Variants in CEP83 observed in about 807,000 individuals in gnomAD.
The protein encoded by CEP83 is centrosomal protein of 83 kDa.
A neutral mutation model predicts 101.9 loss-of-function variants in CEP83; 70 were observed. The observed-to-expected ratio is 0.69, with a 90% CI of 0.57 to 0.84. The LOEUF (loss-of-function observed/expected upper bound fraction) is 0.84, where lower values mean the gene tolerates loss of function less well. Among genes scored for constraint, CEP83 ranks in the 40% least tolerant of loss-of-function variants. CEP83 has a pLI of 0.00. For synonymous variants in CEP83, 264 were observed against 267.9 expected (o/e 0.99, Z 0.14); for missense variants, 715 against 787.2 (o/e 0.91, Z 1.10).
the CEP83 span, chr12:94,297,203 G>A: frequency 6.2e-7 from 1 of 1,614,008 alleles, no homozygotes; most frequent in East Asian, 2.2e-5. Flanking sequence ...GGAGTACTCG[G>A]ATGACCACTG....
At chr12:94,295,150 C>G in the CEP83 span, among the ~76,000 whole-genome samples, 1 of 152,216 alleles carries the variant, frequency 6.6e-6, no homozygotes, top group Non-Finnish European at 1.5e-5. Context: ...CAGCTCTCAG[C>G]CCTTGGAAAG....
At chr12:94,454,161 C>T (rs1224711252) in intron 1 of CEP83, among the ~76,000 whole-genome samples, 1 of 151,718 alleles carries the variant, frequency 6.6e-6, no homozygotes, top group African/African-American at 2.4e-5. Flanking sequence ...TTCTATGAAG[C>T]TCTAGAAGTA....
At chr12:94,365,047 G>A (rs769127860) in intron 11 of CEP83, among the ~76,000 whole-genome samples, 9 of 151,898 alleles carry the variant, frequency 5.9e-5, no homozygotes, top group Admixed American at 3.9e-4. Context: ...AAAAAATAAC[G>A]GAAGCAAAAT....
intron 2 of CEP83, among the ~76,000 whole-genome samples, chr12:94,420,252 C>G (rs1467354512): frequency 6.6e-6 from 1 of 152,104 alleles, no homozygotes; most frequent in Admixed American, 6.6e-5. Flanking sequence ...AATACATATA[C>G]TATGACTCAG....
At chr12:94,453,389 T>A (rs2067403617) in intron 1 of CEP83, among the ~76,000 whole-genome samples, 1 of 152,242 alleles carries the variant, frequency 6.6e-6, no homozygotes, top group Non-Finnish European at 1.5e-5. Flanking sequence ...TACAAGATTC[T>A]AAAGAGACAT....
At chr12:94,389,888 A>ACTGC (rs2062406408) in intron 6 of CEP83, among the ~76,000 whole-genome samples, 1 of 152,194 alleles carries the variant, frequency 6.6e-6, no homozygotes, top group Non-Finnish European at 1.5e-5. Flanking sequence ...CTGAGATCGA[A>ACTGC]CTGCGAGGCG....
At chr12:94,457,268 A>T (rs73372219) in intron 1 of CEP83, among the ~76,000 whole-genome samples, 23,968 of 152,178 alleles carry the variant, frequency 0.16, 2,005 homozygotes, top group African/African-American at 0.21. Context: ...CTTGGGTTAA[A>T]AGGAAGTTTT....
At chr12:94,329,827 A>T (rs938117498) in intron 14 of CEP83, among the ~76,000 whole-genome samples, 1 of 152,186 alleles carries the variant, frequency 6.6e-6, no homozygotes, top group Non-Finnish European at 1.5e-5. Flanking sequence ...AGAAAAACAA[A>T]CAAGTGTGCA....
chr12:94,395,580 G>T (rs7308695), intron 6 of CEP83, among the ~76,000 whole-genome samples: 85,597 of 151,878 alleles, frequency 0.56, 24,121 homozygotes, highest in Admixed American at 0.59. Context: ...TCCCAACACT[G>T]TGGGAGGCCA....
At chr12:94,409,310 C>T (rs1032590879) in intron 4 of CEP83, among the ~76,000 whole-genome samples, 2 of 151,874 alleles carry the variant, frequency 1.3e-5, no homozygotes, top group African/African-American at 2.4e-5. Flanking sequence ...AGAAGCCTTA[C>T]TAGATATGTT....
At chr12:94,423,527 T>G (rs1425259821) in intron 2 of CEP83, among the ~76,000 whole-genome samples, 1 of 145,690 alleles carries the variant, frequency 6.9e-6, no homozygotes, top group Non-Finnish European at 1.5e-5. Flanking sequence ...ACAAAAAAAG[T>G]GATGGCTCCC....
chr12:94,298,048 G>A, the CEP83 span, among the ~76,000 whole-genome samples: 1 of 152,134 alleles, frequency 6.6e-6, no homozygotes, highest in African/African-American at 2.4e-5. Flanking sequence ...AACTTGATGG[G>A]CATGCTTCTT....
the CEP83 span, chr12:94,279,960 G>GA: frequency 2.2e-6 from 1 of 464,714 alleles, no homozygotes. Context: ...CTTGCATCAT[G>GA]AAATACAGAA....
At chr12:94,285,442 T>C in the CEP83 span, among the ~76,000 whole-genome samples, 10 of 152,302 alleles carry the variant, frequency 6.6e-5, no homozygotes, top group Admixed American at 2.0e-4. Context: ...CCCTGTGGCA[T>C]TGCTGTAGGG....
chr12:94,339,197 C>A (rs2059577192), intron 11 of CEP83, among the ~76,000 whole-genome samples: 1 of 152,162 alleles, frequency 6.6e-6, no homozygotes, highest in Non-Finnish European at 1.5e-5. Flanking sequence ...AACTCCCGAC[C>A]TCAGGTAATC....
At chr12:94,349,478 C>T (rs2136744521) in intron 11 of CEP83, among the ~76,000 whole-genome samples, 1 of 152,080 alleles carries the variant, frequency 6.6e-6, no homozygotes, top group Non-Finnish European at 1.5e-5. Flanking sequence ...TACTTTTGCA[C>T]CAACCTAATA....
the CEP83 span, among the ~76,000 whole-genome samples, chr12:94,289,139 A>G: frequency 2.0e-5 from 3 of 152,224 alleles, no homozygotes; most frequent in African/African-American, 2.4e-5. Flanking sequence ...TGTGCCATAA[A>G]CATGGTATCT....
chr12:94,324,318 T>C (rs762091248), intron 14 of CEP83, among the ~76,000 whole-genome samples: 1 of 152,240 alleles, frequency 6.6e-6, no homozygotes, highest in Non-Finnish European at 1.5e-5. Flanking sequence ...GATACAGGAC[T>C]ATCCAAATGA....
intron 2 of CEP83, among the ~76,000 whole-genome samples, chr12:94,427,602 A>G (rs941533781): frequency 6.6e-6 from 1 of 152,354 alleles, no homozygotes; most frequent in African/African-American, 2.4e-5. Flanking sequence ...GTAATTCAAA[A>G]TATTCAAAAA....
Sources: allele counts gnomAD v4.1 joint callset (sites outside exome capture counted in the v4.1 genomes callset), GRCh38; gene constraint gnomAD v4.1.1; transcripts MANE v1.5; gene names NCBI Gene and HGNC (gene_info 2026-07-23, HGNC 2026-07-21).